The following HEMK2 variants were observed in gnomAD, a reference collection of about 807,000 sequenced individuals.
HEMK2 encodes HemK methyltransferase 2, ETF1 glutamine and histone H4 lysine, also known as methyltransferase HEMK2.
the HEMK2 span, chr21:28,883,143 G>T: frequency 1.0e-6 from 1 of 973,768 alleles, no homozygotes; most frequent in Non-Finnish European, 1.5e-6. Context: ...TCATGCTAGT[G>T]TTATTTCTAG....
At chr21:28,856,592 T>A in the HEMK2 span, among the ~76,000 whole-genome samples, 15 of 152,134 alleles carry the variant, frequency 9.9e-5, no homozygotes, top group African/African-American at 3.6e-4. Context: ...GGTATCCAGG[T>A]ATCCAGGTTG....
the HEMK2 span, among the ~76,000 whole-genome samples, chr21:28,767,278 C>T: frequency 6.6e-6 from 1 of 151,860 alleles, no homozygotes; most frequent in African/African-American, 2.4e-5. Context: ...TGTATATTGC[C>T]AGTCTCGGGT....
the HEMK2 span, among the ~76,000 whole-genome samples, chr21:28,692,574 G>A: frequency 2.0e-5 from 3 of 151,968 alleles, no homozygotes; most frequent in East Asian, 3.9e-4. Context: ...AAACCAAAAT[G>A]ATTAATAGTA....
chr21:28,623,298 CAGTT>C, the HEMK2 span, among the ~76,000 whole-genome samples: 124 of 152,276 alleles, frequency 8.1e-4, no homozygotes, highest in African/African-American at 2.7e-3. Flanking sequence ...CATCTCATGA[CAGTT>C]AGAATAGCGA....
the HEMK2 span, among the ~76,000 whole-genome samples, chr21:28,836,348 A>G: frequency 6.6e-6 from 1 of 152,204 alleles, no homozygotes; most frequent in Non-Finnish European, 1.5e-5. Context: ...TCCTCAAACA[A>G]AACAATTATT....
chr21:28,614,168 C>G, the HEMK2 span, among the ~76,000 whole-genome samples: 13 of 152,114 alleles, frequency 8.5e-5, no homozygotes, highest in African/African-American at 2.9e-4. Flanking sequence ...AACTTTCTAA[C>G]CATGGTAGGT....
chr21:28,876,451 TCCTTGCAGA>T, the HEMK2 span: 5 of 1,610,436 alleles, frequency 3.1e-6, no homozygotes, highest in Non-Finnish European at 3.4e-6. Flanking sequence ...GTGCAGTGGT[TCCTTGCAGA>T]CCTTTTGTCT....
At chr21:28,633,601 T>G in the HEMK2 span, among the ~76,000 whole-genome samples, 4 of 152,308 alleles carry the variant, frequency 2.6e-5, no homozygotes, top group South Asian at 8.3e-4. Context: ...TTCTGTTCTT[T>G]TAGAAACCAG....
the HEMK2 span, among the ~76,000 whole-genome samples, chr21:28,634,639 G>A: frequency 6.6e-6 from 1 of 152,164 alleles, no homozygotes. Flanking sequence ...ACAGACATTA[G>A]AAATAGGATT....
At chr21:28,752,163 C>G in the HEMK2 span, among the ~76,000 whole-genome samples, 1 of 152,168 alleles carries the variant, frequency 6.6e-6, no homozygotes, top group Non-Finnish European at 1.5e-5. Context: ...TTTCTCAATT[C>G]CTGTTTGCCA....
At chr21:28,747,788 AG>A in the HEMK2 span, among the ~76,000 whole-genome samples, 6 of 152,362 alleles carry the variant, frequency 3.9e-5, no homozygotes, top group Non-Finnish European at 7.3e-5. Flanking sequence ...CTTTGCAACA[AG>A]GTGCTTTCAG....
chr21:28,699,706 T>C, the HEMK2 span, among the ~76,000 whole-genome samples: 1 of 152,218 alleles, frequency 6.6e-6, no homozygotes, highest in African/African-American at 2.4e-5. Context: ...GGTATAAAAG[T>C]TTTTCATTAA....
chr21:28,598,964 T>C, the HEMK2 span, among the ~76,000 whole-genome samples: 1 of 152,156 alleles, frequency 6.6e-6, no homozygotes, highest in East Asian at 1.9e-4. Flanking sequence ...ATAGTGGCAG[T>C]AAAGGATTGA....
At chr21:28,733,482 G>A in the HEMK2 span, among the ~76,000 whole-genome samples, 1 of 151,914 alleles carries the variant, frequency 6.6e-6, no homozygotes, top group East Asian at 1.9e-4. Context: ...CCTCTTCCTG[G>A]GACATACACG....
the HEMK2 span, chr21:28,874,978 C>T: frequency 6.6e-6 from 1 of 152,274 alleles, no homozygotes; most frequent in East Asian, 1.9e-4. Flanking sequence ...TGTAGTGCTG[C>T]AGCTATCCAC....
the HEMK2 span, among the ~76,000 whole-genome samples, chr21:28,638,998 C>T: frequency 9.9e-5 from 15 of 152,110 alleles, no homozygotes; most frequent in African/African-American, 2.4e-4. Context: ...AGGAATGGCT[C>T]GCTTTTATGG....
chr21:28,853,216 C>A, the HEMK2 span, among the ~76,000 whole-genome samples: 1 of 152,194 alleles, frequency 6.6e-6, no homozygotes, highest in Middle Eastern at 3.2e-3. Context: ...CTTTGGATCC[C>A]TTTCTTTACA....
the HEMK2 span, among the ~76,000 whole-genome samples, chr21:28,722,564 C>T: frequency 2.0e-5 from 3 of 152,160 alleles, no homozygotes; most frequent in East Asian, 1.9e-4. Context: ...GACCTGGCTC[C>T]TGTGCTGGTT....
chr21:28,732,262 T>C, the HEMK2 span, among the ~76,000 whole-genome samples: 4 of 152,370 alleles, frequency 2.6e-5, no homozygotes, highest in Admixed American at 1.3e-4. Context: ...AAATATTTAC[T>C]TGAATTGCTG....
Sources: allele counts gnomAD v4.1 joint callset (sites outside exome capture counted in the v4.1 genomes callset), GRCh38; gene constraint gnomAD v4.1.1; transcripts MANE v1.5; gene names NCBI Gene and HGNC (gene_info 2026-07-23, HGNC 2026-07-21).